The following EBF2 variants were observed in gnomAD, a reference collection of about 807,000 sequenced individuals.
EBF2 encodes EBF transcription factor 2, also known as transcription factor COE2.
A neutral mutation model predicts 72.8 loss-of-function variants in EBF2; 21 were observed. The ratio of observed to expected loss-of-function variants is 0.29; its 90% confidence interval spans 0.20 to 0.42. The LOEUF (loss-of-function observed/expected upper bound fraction) is 0.42. Ranked by LOEUF, EBF2 falls within the 10% of genes least tolerant of loss-of-function variation. The probability of loss-of-function intolerance (pLI) is 1.00; values close to 1 mark genes in which losing one functional copy is unlikely to be tolerated. For synonymous variants in EBF2, 299 were observed against 274.2 expected (o/e 1.09, Z -0.89); for missense variants, 637 against 731.2 (o/e 0.87, Z 1.49).
Position 25,904,154 on chromosome 8 carries a change from A to G in EBF2, c.633+4320T>C, listed in dbSNP as rs115912563. Among the ~76,000 whole-genome samples, 597 of 149,874 alleles carry G rather than the reference A, an allele frequency of 4.0e-3. 5 individuals carry two copies. Among genetic ancestry groups the G allele is most frequent in the African/African-American group, 0.014 (561 of 40,776 alleles). Reference sequence around the variant, plus strand: ...TTTCAAGTGGTCTGGAGACCCCTGAAATTTTAATTAAAACTTTAAACGTAG... The same window carrying G: ...TTTCAAGTGGTCTGGAGACCCCTGAGATTTTAATTAAAACTTTAAACGTAG... On this transcript the variant is annotated intron_variant, in intron 7 of 15. Transcript: ENST00000520164.
At chr8:26,016,136 A>G (rs950643925) in intron 6 of EBF2, among the ~76,000 whole-genome samples, 3 of 152,238 alleles carry the variant, frequency 2.0e-5, no homozygotes, top group African/African-American at 7.2e-5. Flanking sequence ...TCTTTAGTGC[A>G]GGGAGAAGGA....
intron 10 of EBF2, among the ~76,000 whole-genome samples, chr8:25,871,346 G>A (rs1326630186): frequency 6.6e-6 from 1 of 152,166 alleles, no homozygotes; most frequent in African/African-American, 2.4e-5. Flanking sequence ...ATGGAGTGCG[G>A]GGATGCTGTG....
intron 6 of EBF2, among the ~76,000 whole-genome samples, chr8:26,008,869 A>G (rs1350971306): frequency 3.3e-5 from 5 of 151,282 alleles, no homozygotes; most frequent in African/African-American, 4.9e-5. Context: ...ACACGAAAGT[A>G]AAGCAGAAAT....
chr8:25,952,509 C>A (rs1026577806), intron 6 of EBF2, among the ~76,000 whole-genome samples: 3 of 151,928 alleles, frequency 2.0e-5, no homozygotes, highest in Admixed American at 1.3e-4. Flanking sequence ...ATGTACTCAC[C>A]CTGTCTACAT....
intron 7 of EBF2, among the ~76,000 whole-genome samples, chr8:25,907,650 G>C (rs1468452756): frequency 6.6e-6 from 1 of 151,970 alleles, no homozygotes; most frequent in Non-Finnish European, 1.5e-5. Context: ...GGCGAAACAT[G>C]AGGCTAAGGT....
In EBF2 at chr8:25,889,879, T is replaced by C. The variant is rs1802750068; in HGVS notation, c.634-10A>G. ...TTGTTGACAACACAACCTGCATATTTAAAGTAAAAAGGAGAAAGGGGGTGC... is the reference window on the plus strand; with the variant it reads ...TTGTTGACAACACAACCTGCATATTCAAAGTAAAAAGGAGAAAGGGGGTGC... On this transcript the variant is annotated splice_polypyrimidine_tract_variant and intron_variant, in intron 7 of 15. Transcript: ENST00000520164. The C allele has an allele frequency of 6.2e-7, 1 of 1,610,896 alleles. No individual in the cohort carries two copies.
At position 26,040,008 on chromosome 8, in the gene EBF2, T is replaced by A; in HGVS notation, c.482+20A>T. On this transcript the variant is annotated intron_variant, in intron 5 of 15. Transcript: ENST00000520164. Reference sequence around the variant, plus strand: ...CACCTGCGGGCTCTCCAGGAAGGCCTGGGAAAAGGCGGCTCTTACCTACAC... The same window carrying A: ...CACCTGCGGGCTCTCCAGGAAGGCCAGGGAAAAGGCGGCTCTTACCTACAC... 6.2e-7 allele frequency: 1 copy of A among 1,612,086 alleles called. No individual in the cohort carries two copies. Among genetic ancestry groups the A allele is most frequent in the Non-Finnish European group, 8.5e-7 (1 of 1,178,614 alleles).
intron 7 of EBF2, among the ~76,000 whole-genome samples, chr8:25,900,971 C>A (rs1356426309): frequency 2.6e-5 from 4 of 152,036 alleles, no homozygotes; most frequent in Admixed American, 6.6e-5. Flanking sequence ...AAAGAGAGAA[C>A]TTGCAATATT....
At chr8:26,016,788 T>C (rs7005013) in intron 6 of EBF2, among the ~76,000 whole-genome samples, 2,502 of 152,178 alleles carry the variant, frequency 0.016, 75 homozygotes, top group African/African-American at 0.057. Context: ...AAATAAACTG[T>C]CTCCTGAGTA....
At chr8:25,967,763 T>A (rs574008007) in intron 6 of EBF2, among the ~76,000 whole-genome samples, 6 of 152,162 alleles carry the variant, frequency 3.9e-5, no homozygotes, top group African/African-American at 1.2e-4. Flanking sequence ...AGCTCTGGAG[T>A]TGTGATGCCT....
intron 7 of EBF2, among the ~76,000 whole-genome samples, chr8:25,908,242 G>T (rs1370952488): frequency 1.3e-5 from 2 of 152,182 alleles, no homozygotes; most frequent in African/African-American, 4.8e-5. Flanking sequence ...CTCCAGCACC[G>T]GTTGGTGCCT....
chr8:25,884,833 T>C (rs1802663864), intron 10 of EBF2, among the ~76,000 whole-genome samples: 1 of 152,144 alleles, frequency 6.6e-6, no homozygotes, highest in African/African-American at 2.4e-5. Flanking sequence ...TTTGAATAAA[T>C]AGACCCAAAA....
chr8:25,965,982 A>T (rs1804108706), intron 6 of EBF2, among the ~76,000 whole-genome samples: 1 of 152,200 alleles, frequency 6.6e-6, no homozygotes, highest in Admixed American at 6.5e-5. Flanking sequence ...ATGAACAAGG[A>T]ATCTCTCACC....
At chr8:25,932,379 T>TAA (rs10712503) in intron 6 of EBF2, among the ~76,000 whole-genome samples, 2 of 145,900 alleles carry the variant, frequency 1.4e-5, no homozygotes, top group African/African-American at 5.1e-5. Context: ...GTCTCTTGAT[T>TAA]AAAAAAAAAA....
chr8:25,957,593 T>A (rs1364248974), intron 6 of EBF2, among the ~76,000 whole-genome samples: 1 of 152,200 alleles, frequency 6.6e-6, no homozygotes, highest in Admixed American at 6.5e-5. Context: ...CCAGGTGCAG[T>A]GGCTCATGCC....
intron 14 of EBF2, among the ~76,000 whole-genome samples, chr8:25,856,494 G>T (rs1208346096): frequency 2.6e-5 from 4 of 152,136 alleles, no homozygotes; most frequent in Non-Finnish European, 2.9e-5. Context: ...TCTTACAACG[G>T]ATAATGATAA....
chr8:25,904,845 T>C (rs1348749029), intron 7 of EBF2, among the ~76,000 whole-genome samples: 1 of 152,140 alleles, frequency 6.6e-6, no homozygotes, highest in African/African-American at 2.4e-5. Context: ...AGAATCTAAG[T>C]ACAGTATAAA....
rs1158450752 is a variant in EBF2, at chr8:25,958,388, T to C, written c.552-49833A>G. ...AACATAAATGCACCTCCACTCATTATGATTTCCCCGGCATTTTTTTTTTTC... is the reference window on the plus strand; with the variant it reads ...AACATAAATGCACCTCCACTCATTACGATTTCCCCGGCATTTTTTTTTTTC... On this transcript the variant is annotated intron_variant, in intron 6 of 15. Transcript: ENST00000520164. Among the ~76,000 whole-genome samples the C allele has an allele frequency of 2.1e-5, 3 of 139,788 alleles. No homozygotes were observed. The East Asian group carries it at 8.1e-4, about 38-fold the overall frequency. The allele number at this position is 139,788 out of a possible 152,430, so 91.7% of individuals were successfully genotyped here. A position where few individuals can be genotyped will look rare whatever the true frequency, so the allele number is the denominator to read the frequency against.
chr8:25,995,003 T>C (rs78158241), intron 6 of EBF2, among the ~76,000 whole-genome samples: 5 of 151,650 alleles, frequency 3.3e-5, no homozygotes, highest in South Asian at 2.1e-4. Context: ...AAAAAAAAAT[T>C]TTTTTTAAAG....
Sources: gnomAD v4.1 joint callset for allele counts (sites outside exome capture counted in the v4.1 genomes callset) on GRCh38, gnomAD v4.1.1 for gene constraint, MANE v1.5 for transcripts, NCBI Gene and HGNC (gene_info 2026-07-23, HGNC 2026-07-21) for gene names.